PCDHA3: variants seen among roughly 807,000 people sequenced by gnomAD.
The protein encoded by PCDHA3 is protocadherin alpha-3.
In PCDHA3, 41 loss-of-function variants were observed where a neutral mutation model predicts 62.2. The observed-to-expected ratio is 0.66, with a 90% confidence interval of 0.51 to 0.86. PCDHA3 has a LOEUF of 0.86. Ranked by LOEUF, PCDHA3 falls within the 40% of genes least tolerant of loss-of-function variation. The pLI is 0.00. For synonymous variants in PCDHA3, 640 were observed against 555.4 expected (o/e 1.15, Z -2.14); for missense variants, 1,304 against 1,241.2 (o/e 1.05, Z -0.76).
At chr5:140,900,674 T>C (rs782072148) in intron 1 of PCDHA3, among the ~76,000 whole-genome samples, 11 of 152,230 alleles carry the variant, frequency 7.2e-5, no homozygotes, top group African/African-American at 2.4e-4. Context: ...AGTGCAGTTA[T>C]CTCTTCAATA....
chr5:140,873,086 C>T (rs984385666), intron 1 of PCDHA3, among the ~76,000 whole-genome samples: 6 of 152,122 alleles, frequency 3.9e-5, no homozygotes, highest in African/African-American at 9.7e-5. Context: ...ATTTCCCCCC[C>T]GTATAGAGGC....
At chr5:140,962,854 G>A (rs1396651838) in intron 1 of PCDHA3, among the ~76,000 whole-genome samples, 7 of 152,054 alleles carry the variant, frequency 4.6e-5, no homozygotes, top group African/African-American at 9.7e-5. Flanking sequence ...ACTTGTGCTC[G>A]GTTTGTAGAG....
chr5:140,943,302 A>G, intron 1 of PCDHA3, among the ~76,000 whole-genome samples: 1 of 151,674 alleles, frequency 6.6e-6, no homozygotes, highest in Non-Finnish European at 1.5e-5. Context: ...AATTTTGGGA[A>G]GTCATTATTA....
intron 1 of PCDHA3, chr5:140,850,894 G>A (rs1554145013): frequency 6.3e-7 from 1 of 1,575,006 alleles, no homozygotes; most frequent in African/African-American, 1.4e-5. Context: ...GGGAAGGTGG[G>A]TTTTTCTAGC....
At chr5:140,943,321 G>C (rs1012061757) in intron 1 of PCDHA3, among the ~76,000 whole-genome samples, 3 of 150,454 alleles carry the variant, frequency 2.0e-5, no homozygotes, top group Non-Finnish European at 4.4e-5. Flanking sequence ...TAGCAATATT[G>C]TGTAGTATCC....
chr5:140,850,923 A>AT lies in PCDHA3; in HGVS notation c.2394+47340dup, dbSNP rs2150502772. On this transcript the variant is annotated intron_variant, in intron 1 of 3. Coordinates refer to ENST00000522353, the MANE Select transcript of PCDHA3 (RefSeq NM_018906.3). ...TTCTAGCATTTTATTTATTTATATA[A>AT]TTTTTTTTCTTGAAAGATATTATCG... 4.0e-5 allele frequency: 61 copies of AT among 1,521,758 alleles called. 2 individuals are homozygous for AT. Among genetic ancestry groups the AT allele is most frequent in the Middle Eastern group, 2.1e-4 (1 of 4,736 alleles). The allele number at this position is 1,521,758 out of a possible 1,614,324, so 94.3% of individuals were successfully genotyped here. A position where few individuals can be genotyped will look rare whatever the true frequency, so the allele number is the denominator to read the frequency against.
Position 140,851,530 on chromosome 5 carries a change from A to AT in PCDHA3, c.2394+47940dup, listed in dbSNP as rs746126939. ...AAAATATGTTTTAAAATGCCTGACA[A>AT]TGTAGATAATTCAAGAAATGTTGAC... is the stretch of plus-strand genomic sequence containing the variant. On this transcript the variant is annotated intron_variant, in intron 1 of 3. Transcript: ENST00000522353. 7.7e-4 allele frequency: 698 copies of AT among 902,810 alleles called. 38 individuals are homozygous for AT. The highest frequency in any genetic ancestry group is 9.1e-4 in the Non-Finnish European group (671 of 740,872). 55.9% of individuals were successfully genotyped at this position (902,810 alleles called of 1,614,324 possible).
intron 1 of PCDHA3, chr5:140,865,436 C>T (rs544302848): frequency 5.3e-5 from 8 of 152,322 alleles, no homozygotes; most frequent in Admixed American, 5.2e-4. Context: ...AGAAAAATAA[C>T]TTCTGAGAAG....
chr5:140,849,753 G>C (rs1294538786), intron 1 of PCDHA3: 1 of 1,598,398 alleles, frequency 6.3e-7, no homozygotes, highest in Non-Finnish European at 8.6e-7. Flanking sequence ...GAGTGTGTCC[G>C]CCTACGAGCT....
chr5:140,928,411 A>G, intron 1 of PCDHA3: 2 of 1,614,066 alleles, frequency 1.2e-6, no homozygotes, highest in Non-Finnish European at 1.7e-6. Context: ...CAGTGGGGCC[A>G]TCACTGCCAA....
intron 1 of PCDHA3, among the ~76,000 whole-genome samples, chr5:140,911,285 G>C (rs1292114305): frequency 6.6e-6 from 1 of 152,078 alleles, no homozygotes; most frequent in Non-Finnish European, 1.5e-5. Flanking sequence ...GCTTCATCAG[G>C]GTCCTTTTAC....
At chr5:140,843,202 C>A in intron 1 of PCDHA3, 1 of 1,596,044 alleles carries the variant, frequency 6.3e-7, no homozygotes, top group Non-Finnish European at 8.6e-7. Flanking sequence ...TGGGGCTGTA[C>A]ACGGGCGAGA....
chr5:140,876,551 A>G (rs781855200), intron 1 of PCDHA3: 1 of 1,614,184 alleles, frequency 6.2e-7, no homozygotes, highest in Admixed American at 1.7e-5. Context: ...CTCCCTGTGC[A>G]AGAGGATGCT....
chr5:141,000,385 C>CTA (rs2097909674), intron 3 of PCDHA3, among the ~76,000 whole-genome samples: 1 of 64,994 alleles, frequency 1.5e-5, no homozygotes, highest in Non-Finnish European at 2.9e-5. Context: ...CTCTCTCTCT[C>CTA]TCTCTCTCTC....
chr5:140,807,156 A>G, intron 1 of PCDHA3: 2 of 1,589,232 alleles, frequency 1.3e-6, no homozygotes, highest in Non-Finnish European at 1.7e-6. Flanking sequence ...GAGAAACGAT[A>G]TTTAATCAGA....
In PCDHA3 at chr5:140,876,147, T is replaced by A. The variant is rs183600546; in HGVS notation, c.2394+72556T>A. 4.3e-6 allele frequency: 7 copies of A among 1,613,994 alleles called. No individual in the cohort carries two copies. The Admixed American group carries it at 1.2e-4, about 27-fold the overall frequency. ...GCGGTAAACCAGAACTAACAGGGTC[T>A]GTCCAGATTCAAATAACCGTCCTGG... is the stretch of plus-strand genomic sequence containing the variant. On this transcript the variant is annotated intron_variant, in intron 1 of 3. Transcript: ENST00000522353.
At chr5:140,971,918 G>A (rs1297848346) in intron 1 of PCDHA3, among the ~76,000 whole-genome samples, 1 of 152,082 alleles carries the variant, frequency 6.6e-6, no homozygotes, top group Non-Finnish European at 1.5e-5. Context: ...CAGCCACACT[G>A]CTAGTGTTAT....
intron 1 of PCDHA3, chr5:140,834,259 A>T: frequency 4.2e-6 from 4 of 957,528 alleles, no homozygotes; most frequent in Non-Finnish European, 6.3e-6. Context: ...AAGACGCTCC[A>T]CTCTCTTTCA....
At chr5:140,928,194 A>G in intron 1 of PCDHA3, 2 of 1,614,204 alleles carry the variant, frequency 1.2e-6, no homozygotes, top group East Asian at 2.2e-5. Context: ...TCACTGTGTC[A>G]GTTGCTGATG....
Sources: gnomAD v4.1 joint callset for allele counts (sites outside exome capture counted in the v4.1 genomes callset) on GRCh38, gnomAD v4.1.1 for gene constraint, MANE v1.5 for transcripts, NCBI Gene and HGNC (gene_info 2026-07-23, HGNC 2026-07-21) for gene names.